PSTPIP2: variants seen among roughly 807,000 people sequenced by gnomAD.
PSTPIP2 encodes the protein proline-serine-threonine phosphatase interacting protein 2.
PSTPIP2 carries 33 observed loss-of-function variants against 63.3 expected under a neutral mutation model. That is an observed-to-expected ratio of 0.52 (90% confidence interval 0.40 to 0.70). The LOEUF is 0.70. Ranked by LOEUF, PSTPIP2 falls within the 30% of genes least tolerant of loss-of-function variation. The probability of loss-of-function intolerance (pLI) is 0.00; values close to 1 mark genes in which losing one functional copy is unlikely to be tolerated. For missense variants in PSTPIP2, 312 were observed against 400.7 expected (o/e 0.78, Z 1.89); for synonymous variants, 125 against 132.7 (o/e 0.94, Z 0.40).
chr18:46,029,146 G>A (rs1195082020), intron 2 of PSTPIP2: 17 of 878,788 alleles, frequency 1.9e-5, no homozygotes, highest in Non-Finnish European at 3.3e-5. Flanking sequence ...TTAGCCATGA[G>A]TACTCACAGC....
At chr18:46,049,060 AGAGAGAGAAG>A (rs1172842545) in intron 1 of PSTPIP2, among the ~76,000 whole-genome samples, 1 of 149,152 alleles carries the variant, frequency 6.7e-6, no homozygotes. Flanking sequence ...GTGTGTGGAG[AGAGAGAGAAG>A]GAGAGAGAAA....
intron 1 of PSTPIP2, among the ~76,000 whole-genome samples, chr18:46,062,183 C>T (rs73438286): frequency 0.04 from 6,042 of 152,226 alleles, 407 homozygotes; most frequent in African/African-American, 0.14. Flanking sequence ...ACAGCTTATT[C>T]AAGTCTTCCT....
chr18:46,041,884 T>G (rs1011277224), intron 1 of PSTPIP2, among the ~76,000 whole-genome samples: 1 of 152,150 alleles, frequency 6.6e-6, no homozygotes. Context: ...CAGCGCCAGT[T>G]TGCAGAAGGA....
chr18:46,060,892 A>C (rs1159658276), intron 1 of PSTPIP2, among the ~76,000 whole-genome samples: 1 of 152,208 alleles, frequency 6.6e-6, no homozygotes, highest in African/African-American at 2.4e-5. Flanking sequence ...ATAGTACTCT[A>C]TCCTTGACAT....
chr18:46,022,622 G>T (rs575321829), intron 3 of PSTPIP2, among the ~76,000 whole-genome samples: 3 of 152,284 alleles, frequency 2.0e-5, no homozygotes, highest in Admixed American at 6.5e-5. Context: ...AAAAATTTCA[G>T]AATGGTGATA....
At chr18:46,018,206 A>G (rs1270435036) in intron 3 of PSTPIP2, among the ~76,000 whole-genome samples, 1 of 151,924 alleles carries the variant, frequency 6.6e-6, no homozygotes, top group African/African-American at 2.4e-5. Context: ...TCTGCTATTT[A>G]TTGCTTCTGT....
chr18:46,041,190 T>C, intron 1 of PSTPIP2: 2 of 398,696 alleles, frequency 5.0e-6, no homozygotes, highest in South Asian at 1.8e-5. Flanking sequence ...GCATGAAACA[T>C]GCTCTCCGTG....
Position 46,015,176 on chromosome 18 carries a change from TC to T in PSTPIP2, c.247+726del, listed in dbSNP as rs1478117802. Among the ~76,000 whole-genome samples the T allele has an allele frequency of 3.3e-5, 5 of 152,166 alleles. No individual in the cohort carries two copies. The East Asian group carries it at 7.7e-4, about 24-fold the overall frequency. On this transcript the variant is annotated intron_variant, in intron 4 of 14. Coordinates refer to ENST00000409746, the MANE Select transcript of PSTPIP2 (RefSeq NM_024430.4). ...GGCTGGTGTCCTTGGAGAGAGCAGT[TC>T]CAGGTGAGTGGTGGGACTACAGGCA...
intron 6 of PSTPIP2, 98 bp from the exon 7 acceptor site, chr18:45,999,632 GTCTGATTAGTGC>G: frequency 1.7e-6 from 2 of 1,160,548 alleles, no homozygotes; most frequent in Non-Finnish European, 2.5e-6. Flanking sequence ...GGACAGGGCC[GTCTGATTAGTGC>G]TCTGATTGTC....
At chr18:46,029,445 G>T (rs187552708) in intron 2 of PSTPIP2, 4 of 1,326,308 alleles carry the variant, frequency 3.0e-6, no homozygotes, top group Non-Finnish European at 4.4e-6. Flanking sequence ...GTGAACTCAA[G>T]GAGGTGCCTT....
chr18:46,056,812 T>C (rs1908771465), intron 1 of PSTPIP2, among the ~76,000 whole-genome samples: 1 of 152,024 alleles, frequency 6.6e-6, no homozygotes, highest in African/African-American at 2.4e-5. Context: ...TAAAGAATAA[T>C]TTATCTTGGC....
At chr18:46,018,519 C>A (rs994667497) in intron 3 of PSTPIP2, among the ~76,000 whole-genome samples, 6 of 152,102 alleles carry the variant, frequency 3.9e-5, no homozygotes, top group Admixed American at 3.3e-4. Flanking sequence ...CAGGTGCCCA[C>A]CACCACGCCC....
At chr18:46,051,192 A>C (rs1206517345) in intron 1 of PSTPIP2, among the ~76,000 whole-genome samples, 1 of 152,080 alleles carries the variant, frequency 6.6e-6, no homozygotes, top group Non-Finnish European at 1.5e-5. Context: ...AATTGAACAT[A>C]AGGCCGGGTG....
At chr18:46,042,669 T>G (rs1402191580) in intron 1 of PSTPIP2, among the ~76,000 whole-genome samples, 1 of 152,104 alleles carries the variant, frequency 6.6e-6, no homozygotes, top group Non-Finnish European at 1.5e-5. Flanking sequence ...GAAAACAGAT[T>G]CCTGAGTGAT....
At chr18:46,054,994 T>C (rs1198210039) in intron 1 of PSTPIP2, among the ~76,000 whole-genome samples, 2 of 152,186 alleles carry the variant, frequency 1.3e-5, no homozygotes, top group Non-Finnish European at 2.9e-5. Flanking sequence ...TAACAGAAAC[T>C]AGTTTTTAGT....
intron 9 of PSTPIP2, among the ~76,000 whole-genome samples, chr18:45,996,999 G>T (rs919131082): frequency 6.6e-6 from 1 of 152,078 alleles, no homozygotes; most frequent in African/African-American, 2.4e-5. Context: ...TATTGAGGCC[G>T]GGCTCTCCAA....
chr18:45,990,423 TTTTTG>T, intron 13 of PSTPIP2, among the ~76,000 whole-genome samples: 1 of 138,506 alleles, frequency 7.2e-6, no homozygotes, highest in South Asian at 2.1e-4. Context: ...TTTTGGGGTT[TTTTTG>T]TTTGTTTGTT....
chr18:46,044,727 C>A (rs1433179937), intron 1 of PSTPIP2, among the ~76,000 whole-genome samples: 1 of 152,080 alleles, frequency 6.6e-6, no homozygotes. Context: ...AGGCAACCTA[C>A]AAAATGGGAG....
At position 46,024,569 on chromosome 18, in the gene PSTPIP2, A is replaced by G. The variant is rs149606013; in HGVS notation, c.212+40T>C. 631 of 1,553,144 alleles carry G rather than the reference A, an allele frequency of 4.1e-4. 4 individuals carry two copies. In the African/African-American group the frequency reaches 7.7e-3, roughly 19 times the overall value. Reference sequence around the variant, plus strand: ...TGAAGCGAGGGAGCTCCCAGGCATTATTAACCAACCTGGAAACCAGAAAAA... The same window carrying G: ...TGAAGCGAGGGAGCTCCCAGGCATTGTTAACCAACCTGGAAACCAGAAAAA... On this transcript the variant is annotated intron_variant, in intron 3 of 14. Coordinates refer to ENST00000409746, the MANE Select transcript of PSTPIP2 (RefSeq NM_024430.4).
Sources: allele counts gnomAD v4.1 joint callset (sites outside exome capture counted in the v4.1 genomes callset), GRCh38; gene constraint gnomAD v4.1.1; transcripts MANE v1.5; gene names NCBI Gene and HGNC (gene_info 2026-07-23, HGNC 2026-07-21).